The following VPS41 variants were observed in gnomAD, a reference collection of about 807,000 sequenced individuals.
The protein encoded by VPS41 is VPS41 subunit of HOPS complex.
VPS41 carries 85 observed loss-of-function variants against 130.9 expected under a neutral mutation model. The ratio of observed to expected loss-of-function variants is 0.65; its 90% confidence interval spans 0.55 to 0.78. VPS41 has a LOEUF of 0.78. VPS41 is among the 30% of genes least tolerant of loss of function. The pLI is 0.00. For missense variants in VPS41, 874 were observed against 1,018.7 expected, an observed-to-expected ratio of 0.86 and a Z score of 1.93; for synonymous variants, 335 against 332.9, an observed-to-expected ratio of 1.01 and a Z score of -0.07.
At chr7:38,744,049 C>T (rs1795938095) in intron 23 of VPS41, among the ~76,000 whole-genome samples, 1 of 152,176 alleles carries the variant, frequency 6.6e-6, no homozygotes, top group Non-Finnish European at 1.5e-5. Context: ...TTTTCTGATA[C>T]ACTTTGTGCC....
chr7:38,763,552 G>A lies in VPS41; in HGVS notation c.1330-5C>T, dbSNP rs1459373120. 6.4e-7 allele frequency: 1 copy of A among 1,571,698 alleles called. No homozygotes were observed. Among genetic ancestry groups the A allele is most frequent in the Non-Finnish European group, 8.6e-7 (1 of 1,160,706 alleles). On this transcript the variant is annotated splice_polypyrimidine_tract_variant and splice_region_variant and intron_variant, in intron 16 of 28. Transcript: ENST00000310301. ...TGGCAAATAAGGACTAATAGCCTAG[G>A]TAAGGAAAAGGGAAAAAAAAGTCCA... is the stretch of plus-strand genomic sequence containing the variant.
intron 4 of VPS41, among the ~76,000 whole-genome samples, chr7:38,842,527 G>C (rs562289331): frequency 6.6e-6 from 1 of 152,032 alleles, no homozygotes; most frequent in Non-Finnish European, 1.5e-5. Context: ...ATCCTCATTC[G>C]AATAGTAAAA....
In VPS41 at chr7:38,862,572, CT is replaced by C; in HGVS notation, c.218del (p.Gln73ArgfsTer10). 2 of 1,608,838 alleles carry C rather than the reference CT, an allele frequency of 1.2e-6. No homozygotes were observed. The highest frequency in any genetic ancestry group is 1.7e-6 in the Non-Finnish European group (2 of 1,176,992). On this transcript the variant is annotated frameshift_variant, in exon 4 of 29. Coordinates refer to ENST00000310301, the MANE Select transcript of VPS41 (RefSeq NM_014396.4). LOFTEE classifies it high-confidence loss of function. The part of the protein sequence containing the change: ...HYGKVYLLDV[Q>X]GNITQKFDVS... ...CATCAAACTTCTGAGTGATGTTCCCCTGGACATCAAGTAAATAAACCTTGCC... is the reference window on the plus strand; with the variant it reads ...CATCAAACTTCTGAGTGATGTTCCCCGGACATCAAGTAAATAAACCTTGCC...
intron 2 of VPS41, among the ~76,000 whole-genome samples, chr7:38,870,191 C>A (rs746279114): frequency 1.3e-5 from 2 of 152,086 alleles, no homozygotes; most frequent in Non-Finnish European, 2.9e-5. Flanking sequence ...GAGAGACCTG[C>A]GGGGCTAAGA....
intron 17 of VPS41, among the ~76,000 whole-genome samples, chr7:38,761,984 C>T (rs1783930784): frequency 6.6e-6 from 1 of 152,166 alleles, no homozygotes; most frequent in Non-Finnish European, 1.5e-5. Context: ...TAATAATGCT[C>T]AGGGAAAGAA....
At chr7:38,858,732 A>G (rs569326985) in intron 4 of VPS41, among the ~76,000 whole-genome samples, 1 of 152,348 alleles carries the variant, frequency 6.6e-6, no homozygotes, top group African/African-American at 2.4e-5. Flanking sequence ...AAACAAACCT[A>G]GTCAGCTGCC....
At position 38,802,287 on chromosome 7, in the gene VPS41, C is replaced by T. The variant is rs1584403076; in HGVS notation, c.451-5423G>A. The stretch of plus-strand genomic sequence containing the variant: ...CTGGATTGCCACAGCGCCTACTTCT[C>T]CAGGCTCTCTCGCATGTGGCCTGCT... On this transcript the variant is annotated intron_variant, in intron 7 of 28. Coordinates refer to ENST00000310301, the MANE Select transcript of VPS41 (RefSeq NM_014396.4). 2.0e-5 allele frequency among the ~76,000 whole-genome samples: 3 copies of T among 152,280 alleles called. No homozygotes were observed. The East Asian group carries it at 5.8e-4, about 29-fold the overall frequency.
chr7:38,843,566 C>T (rs376252543), intron 4 of VPS41, among the ~76,000 whole-genome samples: 12 of 151,998 alleles, frequency 7.9e-5, no homozygotes, highest in African/African-American at 2.7e-4. Context: ...CCTGTAATCC[C>T]GGCTACTCAG....
intron 2 of VPS41, among the ~76,000 whole-genome samples, chr7:38,897,625 A>C (rs1433084243): frequency 6.7e-6 from 1 of 148,568 alleles, no homozygotes; most frequent in Non-Finnish European, 1.5e-5. Flanking sequence ...AGCCTGGGCA[A>C]CAGAGCGAGA....
At chr7:38,738,029 G>C (rs1485010746) in intron 25 of VPS41, among the ~76,000 whole-genome samples, 1 of 152,184 alleles carries the variant, frequency 6.6e-6, no homozygotes, top group Non-Finnish European at 1.5e-5. Context: ...GAGGTCCAAG[G>C]ATGTGCAATG....
intron 4 of VPS41, among the ~76,000 whole-genome samples, chr7:38,853,499 A>T (rs928248120): frequency 6.6e-6 from 1 of 151,736 alleles, no homozygotes; most frequent in Non-Finnish European, 1.5e-5. Context: ...ACCTTTCCAG[A>T]TTCACCTCAA....
chr7:38,853,418 CAAAAAA>C (rs57368681), intron 4 of VPS41, among the ~76,000 whole-genome samples: 2 of 78,942 alleles, frequency 2.5e-5, no homozygotes, highest in Non-Finnish European at 4.4e-5. Context: ...GACTCCTTCT[CAAAAAA>C]AAAAAAAAAA....
intron 7 of VPS41, among the ~76,000 whole-genome samples, chr7:38,812,299 A>G (rs1320205260): frequency 6.6e-6 from 1 of 152,178 alleles, no homozygotes; most frequent in African/African-American, 2.4e-5. Context: ...TGGGAAAAGA[A>G]TAGTCTTTGC....
intron 7 of VPS41, among the ~76,000 whole-genome samples, chr7:38,804,190 T>C (rs1417074910): frequency 1.3e-5 from 2 of 152,096 alleles, no homozygotes; most frequent in Admixed American, 1.3e-4. Flanking sequence ...TTTTTTAACT[T>C]GTATTTTAAT....
intron 5 of VPS41, among the ~76,000 whole-genome samples, chr7:38,824,395 T>C (rs1785231043): frequency 6.6e-6 from 1 of 152,204 alleles, no homozygotes; most frequent in Non-Finnish European, 1.5e-5. Context: ...TGGCAATGTT[T>C]TGCTGTTCCT....
chr7:38,788,395 T>C (rs1488302934), intron 10 of VPS41, among the ~76,000 whole-genome samples: 2 of 152,182 alleles, frequency 1.3e-5, no homozygotes, highest in Non-Finnish European at 2.9e-5. Flanking sequence ...GCAAACTACC[T>C]GCACTTAAAG....
intron 10 of VPS41, among the ~76,000 whole-genome samples, chr7:38,788,343 T>G (rs1199177746): frequency 6.6e-6 from 1 of 152,156 alleles, no homozygotes; most frequent in Non-Finnish European, 1.5e-5. Flanking sequence ...GGACAAGTCA[T>G]TTACCTCCTA....
At position 38,886,540 on chromosome 7, in the gene VPS41, C is replaced by T. The variant is rs1036337568; in HGVS notation, c.60+11551G>A. On this transcript the variant is annotated intron_variant, in intron 2 of 28. Coordinates refer to ENST00000310301, the MANE Select transcript of VPS41 (RefSeq NM_014396.4). ...GAAGCTCAAACTGGGCAGAGCCCAC[C>T]GCAGTTCAGCAAGGCCTACTGCCTT... Among the ~76,000 whole-genome samples, 8 of 152,334 alleles carry T rather than the reference C, an allele frequency of 5.3e-5. No individual in the cohort carries two copies. The South Asian group carries it at 6.2e-4, about 12-fold the overall frequency.
chr7:38,787,634 T>C (rs925929407), intron 10 of VPS41, among the ~76,000 whole-genome samples: 7 of 152,190 alleles, frequency 4.6e-5, no homozygotes, highest in African/African-American at 7.2e-5. Context: ...TTATAAACAA[T>C]TGGCTTCTAA....
Sources: gnomAD v4.1 joint callset for allele counts (sites outside exome capture counted in the v4.1 genomes callset) on GRCh38, gnomAD v4.1.1 for gene constraint, MANE v1.5 for transcripts, NCBI Gene and HGNC (gene_info 2026-07-23, HGNC 2026-07-21) for gene names.